The following GRIN2A variants were observed in gnomAD, a reference collection of about 807,000 sequenced individuals.
The protein encoded by GRIN2A is glutamate ionotropic receptor NMDA type subunit 2A, also known as glutamate receptor ionotropic, NMDA 2A.
A neutral mutation model predicts 113.4 loss-of-function variants in GRIN2A; 22 were observed. That is an observed-to-expected ratio of 0.19 (90% confidence interval 0.14 to 0.28). The LOEUF (loss-of-function observed/expected upper bound fraction) is 0.28, where lower values mean the gene tolerates loss of function less well. Among genes scored for constraint, GRIN2A ranks in the 10% least tolerant of loss-of-function variants. The pLI, the probability that GRIN2A is intolerant of heterozygous loss-of-function variation, is 1.00. For synonymous variants in GRIN2A, 827 were observed against 738.4 expected (o/e 1.12, Z -1.94); for missense variants, 1,502 against 1,887.0 (o/e 0.80, Z 3.78).
intron 2 of GRIN2A, among the ~76,000 whole-genome samples, chr16:10,059,110 T>C (rs1467895430): frequency 6.6e-6 from 1 of 152,146 alleles, no homozygotes; most frequent in Admixed American, 6.5e-5. Flanking sequence ...GGACAGTCCA[T>C]GTTGCTGGAG....
At chr16:9,916,426 G>T (rs974511188) in intron 3 of GRIN2A, among the ~76,000 whole-genome samples, 3 of 152,160 alleles carry the variant, frequency 2.0e-5, no homozygotes, top group Admixed American at 6.5e-5. Context: ...CTGCCGGCAC[G>T]TATAAATCGA....
chr16:10,158,828 C>T (rs1425420514), intron 2 of GRIN2A, among the ~76,000 whole-genome samples: 1 of 152,148 alleles, frequency 6.6e-6, no homozygotes, highest in Non-Finnish European at 1.5e-5. Context: ...TGTTCTGGAC[C>T]TAGATGGAGG....
intron 2 of GRIN2A, among the ~76,000 whole-genome samples, chr16:10,165,804 G>T: frequency 6.8e-6 from 1 of 146,684 alleles, no homozygotes; most frequent in Middle Eastern, 3.5e-3. Flanking sequence ...AGGGAGGGGA[G>T]GGAAGAGAAA....
chr16:10,039,796 G>A (rs2047111839), intron 2 of GRIN2A, among the ~76,000 whole-genome samples: 1 of 70,050 alleles, frequency 1.4e-5, no homozygotes, highest in African/African-American at 7.1e-5. Flanking sequence ...GGGAGGGGGA[G>A]GGGGAGGGGG....
At chr16:9,942,655 A>G (rs529714460) in intron 2 of GRIN2A, among the ~76,000 whole-genome samples, 24 of 152,284 alleles carry the variant, frequency 1.6e-4, no homozygotes, top group Non-Finnish European at 2.8e-4. Flanking sequence ...GTCCACTGAC[A>G]TGCTGGTTTC....
At chr16:9,921,860 G>A (rs1019137654) in intron 3 of GRIN2A, among the ~76,000 whole-genome samples, 11 of 152,176 alleles carry the variant, frequency 7.2e-5, no homozygotes, top group South Asian at 4.1e-4. Context: ...CCTTTGCCAT[G>A]AGCCAGACAG....
intron 2 of GRIN2A, chr16:10,171,540 A>T (rs1321671263): frequency 6.6e-6 from 1 of 152,210 alleles, no homozygotes; most frequent in African/African-American, 2.4e-5. Flanking sequence ...TACAAAGGCA[A>T]AGGAAGCTTC....
intron 2 of GRIN2A, among the ~76,000 whole-genome samples, chr16:9,984,350 C>A (rs2045943120): frequency 6.6e-6 from 1 of 151,966 alleles, no homozygotes; most frequent in Non-Finnish European, 1.5e-5. Context: ...TTTTCCTTTG[C>A]TGAGCAGAAG....
chr16:10,144,509 T>C (rs1335824689), intron 2 of GRIN2A, among the ~76,000 whole-genome samples: 1 of 152,242 alleles, frequency 6.6e-6, no homozygotes, highest in African/African-American at 2.4e-5. Context: ...TAATTGTCCA[T>C]TTAATAATTT....
At chr16:10,137,646 C>G (rs2049226219) in intron 2 of GRIN2A, among the ~76,000 whole-genome samples, 1 of 152,230 alleles carries the variant, frequency 6.6e-6, no homozygotes, top group South Asian at 2.1e-4. Flanking sequence ...CTTAATTCAA[C>G]TCACGTGCCA....
chr16:10,003,722 C>T (rs1344197685), intron 2 of GRIN2A, among the ~76,000 whole-genome samples: 3 of 152,128 alleles, frequency 2.0e-5, no homozygotes, highest in Non-Finnish European at 4.4e-5. Flanking sequence ...CTAGATGAGG[C>T]CATGTCGGCA....
intron 2 of GRIN2A, among the ~76,000 whole-genome samples, chr16:10,064,186 A>G (rs2047604030): frequency 6.6e-6 from 1 of 152,178 alleles, no homozygotes; most frequent in African/African-American, 2.4e-5. Flanking sequence ...GAGAACAGAT[A>G]TTCCTTCAGA....
chr16:9,766,877 C>T (rs1188666116), intron 12 of GRIN2A, among the ~76,000 whole-genome samples: 1 of 152,198 alleles, frequency 6.6e-6, no homozygotes, highest in Non-Finnish European at 1.5e-5. Flanking sequence ...AATGCCTGCC[C>T]TGTGCTGCCC....
intron 4 of GRIN2A, among the ~76,000 whole-genome samples, chr16:9,854,992 T>TTGTGTGTGTGTG (rs3831730): frequency 6.2e-4 from 91 of 147,656 alleles, no homozygotes; most frequent in African/African-American, 2.1e-3. Flanking sequence ...GCAAGCACGC[T>TTGTGTGTGTGTG]TGTGTGTGTG....
chr16:10,080,092 G>C (rs2047950227), intron 2 of GRIN2A, among the ~76,000 whole-genome samples: 1 of 152,172 alleles, frequency 6.6e-6, no homozygotes, highest in East Asian at 1.9e-4. Flanking sequence ...TACAGTAAGT[G>C]CTTAATAAAT....
At chr16:10,000,334 A>C (rs2141840799) in intron 2 of GRIN2A, among the ~76,000 whole-genome samples, 1 of 152,134 alleles carries the variant, frequency 6.6e-6, no homozygotes, top group East Asian at 1.9e-4. Flanking sequence ...TTTCTACACT[A>C]CTCCTACTAT....
chr16:9,867,082 G>T (rs556371221), intron 4 of GRIN2A, among the ~76,000 whole-genome samples: 1 of 151,994 alleles, frequency 6.6e-6, no homozygotes, highest in Admixed American at 6.6e-5. Flanking sequence ...AACATTAACA[G>T]ATTTCTTGTC....
At chr16:10,067,363 C>G (rs1436205973) in intron 2 of GRIN2A, among the ~76,000 whole-genome samples, 1 of 152,118 alleles carries the variant, frequency 6.6e-6, no homozygotes, top group African/African-American at 2.4e-5. Flanking sequence ...GACAAGTTAT[C>G]TCCCCGTAAA....
intron 2 of GRIN2A, among the ~76,000 whole-genome samples, chr16:10,019,937 T>C (rs1335311124): frequency 1.3e-5 from 2 of 152,234 alleles, no homozygotes; most frequent in Non-Finnish European, 2.9e-5. Context: ...TCACACCACA[T>C]ACACAGACAC....
Sources: allele counts gnomAD v4.1 joint callset (sites outside exome capture counted in the v4.1 genomes callset), GRCh38; gene constraint gnomAD v4.1.1; transcripts MANE v1.5; gene names NCBI Gene and HGNC (gene_info 2026-07-23, HGNC 2026-07-21).